Variants in ITGBL1 observed in about 807,000 individuals in gnomAD.
ITGBL1 encodes integrin subunit beta like 1, also known as integrin beta-like protein 1.
Under a neutral mutation model 68.5 loss-of-function variants are expected in ITGBL1, and 51 were observed. The ratio of observed to expected loss-of-function variants is 0.74; its 90% CI spans 0.59 to 0.94. The LOEUF is 0.94. Among genes scored for constraint, ITGBL1 ranks in the 40% least tolerant of loss-of-function variants. The pLI, the probability that ITGBL1 is intolerant of heterozygous loss-of-function variation, is 0.00. For missense variants in ITGBL1, 649 were observed against 647.4 expected (o/e 1.00, Z -0.03); for synonymous variants, 209 against 227.3 (o/e 0.92, Z 0.72).
At chr13:101,704,920 GTTTA>G (rs1209488723) in intron 8 of ITGBL1, among the ~76,000 whole-genome samples, 2 of 152,030 alleles carry the variant, frequency 1.3e-5, no homozygotes, top group Admixed American at 6.6e-5. Flanking sequence ...TCATTTATTT[GTTTA>G]TTTATTTACT....
intron 2 of ITGBL1, among the ~76,000 whole-genome samples, chr13:101,470,068 T>C (rs2048436483): frequency 6.6e-6 from 1 of 152,182 alleles, no homozygotes. Context: ...AGACCTAGCC[T>C]CATTAGCTGT....
intron 7 of ITGBL1, among the ~76,000 whole-genome samples, chr13:101,642,333 A>T: frequency 6.6e-6 from 1 of 152,106 alleles, no homozygotes; most frequent in Non-Finnish European, 1.5e-5. Context: ...GCATTTTTTC[A>T]TGTGCTTTTT....
chr13:101,618,969 T>C (rs1019561002), intron 7 of ITGBL1, among the ~76,000 whole-genome samples: 1 of 152,016 alleles, frequency 6.6e-6, no homozygotes, highest in Admixed American at 6.6e-5. Context: ...GGGTCACCAC[T>C]GGGGGCAGGT....
In ITGBL1 at chr13:101,631,379, AT is replaced by A. The variant is rs113975835; in HGVS notation, c.1015+33091del. On this transcript the variant is annotated intron_variant, in intron 7 of 10. Transcript: ENST00000376180. Reference sequence around the variant, plus strand: ...GAAATTGTGATGCAGTTTCCCAGTGATTTTTTTTTTTGCAATGTAAAAATGA... The same window carrying A: ...GAAATTGTGATGCAGTTTCCCAGTGATTTTTTTTTTGCAATGTAAAAATGA... 7.7e-3 allele frequency among the ~76,000 whole-genome samples: 1,137 copies of A among 148,078 alleles called. 10 individuals are homozygous for A. The highest frequency in any genetic ancestry group is 0.025 in the African/African-American group (1,011 of 40,716).
chr13:101,529,343 A>G (rs2049433839), intron 2 of ITGBL1, among the ~76,000 whole-genome samples: 1 of 152,176 alleles, frequency 6.6e-6, no homozygotes, highest in African/African-American at 2.4e-5. Context: ...AAAAAGATGA[A>G]AAAGATTTCA....
At chr13:101,580,944 G>A (rs1021789985) in intron 5 of ITGBL1, among the ~76,000 whole-genome samples, 1 of 152,168 alleles carries the variant, frequency 6.6e-6, no homozygotes, top group Non-Finnish European at 1.5e-5. Context: ...TTGCCTGAGC[G>A]AGGCTCACAG....
intron 2 of ITGBL1, among the ~76,000 whole-genome samples, chr13:101,488,324 T>G (rs1451950077): frequency 6.6e-6 from 1 of 152,234 alleles, no homozygotes; most frequent in Non-Finnish European, 1.5e-5. Context: ...GATGTATACA[T>G]TTAACTGACT....
At chr13:101,711,983 C>T (rs1198185752) in intron 9 of ITGBL1, 1 of 152,194 alleles carries the variant, frequency 6.6e-6, no homozygotes, top group Non-Finnish European at 1.5e-5. Flanking sequence ...TCTTGATAGT[C>T]ATGCAGCCTA....
chr13:101,500,230 G>C (rs913543340), intron 2 of ITGBL1, among the ~76,000 whole-genome samples: 1 of 152,142 alleles, frequency 6.6e-6, no homozygotes, highest in African/African-American at 2.4e-5. Flanking sequence ...ATATTATGCA[G>C]TATCTCTTTA....
chr13:101,720,542 GTGTGTGTGTGTGTGTGTGTGTGTA>G (rs1321871049), downstream of ITGBL1: 4 of 148,852 alleles, frequency 2.7e-5, no homozygotes, highest in Admixed American at 2.0e-4. Flanking sequence ...GTGTGTGTGT[GTGTGTGTGTGTGTGTGTGTGTGTA>G]TATGTGTGTG....
At chr13:101,707,104 T>A (rs1189782608) in intron 9 of ITGBL1, among the ~76,000 whole-genome samples, 4 of 152,212 alleles carry the variant, frequency 2.6e-5, no homozygotes, top group African/African-American at 9.7e-5. Flanking sequence ...AGAGGATTCA[T>A]GCAAAAATAT....
At chr13:101,490,470 C>T (rs1049119770) in intron 2 of ITGBL1, among the ~76,000 whole-genome samples, 1 of 152,112 alleles carries the variant, frequency 6.6e-6, no homozygotes, top group African/African-American at 2.4e-5. Flanking sequence ...ACAGTCTAAC[C>T]CTGAAGCCAG....
At chr13:101,661,876 A>G (rs34676107) in intron 7 of ITGBL1, among the ~76,000 whole-genome samples, 8,927 of 152,292 alleles carry the variant, frequency 0.059, 361 homozygotes, top group East Asian at 0.16. Context: ...CTGCAAATTA[A>G]AATTCCCAGT....
At chr13:101,513,334 T>A (rs1157326528) in intron 2 of ITGBL1, among the ~76,000 whole-genome samples, 1 of 152,096 alleles carries the variant, frequency 6.6e-6, no homozygotes, top group Non-Finnish European at 1.5e-5. Context: ...TCTGGGTAGG[T>A]GTGCAACTGC....
intron 7 of ITGBL1, among the ~76,000 whole-genome samples, chr13:101,614,857 CT>C (rs375926805): frequency 1.1e-4 from 17 of 152,142 alleles, no homozygotes; most frequent in African/African-American, 4.1e-4. Context: ...CATAGTGCTT[CT>C]TTTGAAGAGC....
intron 7 of ITGBL1, among the ~76,000 whole-genome samples, chr13:101,648,837 A>G (rs1253108554): frequency 6.6e-6 from 1 of 152,120 alleles, no homozygotes; most frequent in African/African-American, 2.4e-5. Flanking sequence ...GGTGGGGGAC[A>G]GAAGAGGAAA....
At chr13:101,619,109 C>A (rs1292486204) in intron 7 of ITGBL1, among the ~76,000 whole-genome samples, 4 of 151,924 alleles carry the variant, frequency 2.6e-5, no homozygotes, top group African/African-American at 9.7e-5. Flanking sequence ...ACGTGTACAG[C>A]CTTCTTAATG....
chr13:101,663,213 A>G (rs2033131785), intron 7 of ITGBL1, among the ~76,000 whole-genome samples: 1 of 152,200 alleles, frequency 6.6e-6, no homozygotes, highest in South Asian at 2.1e-4. Flanking sequence ...AAAAAATGCA[A>G]ATAATACCAT....
intron 2 of ITGBL1, among the ~76,000 whole-genome samples, chr13:101,521,019 T>C (rs185184309): frequency 2.6e-5 from 4 of 152,288 alleles, no homozygotes; most frequent in Admixed American, 2.0e-4. Context: ...AGACAGGATT[T>C]TGACAGAAAT....
Sources: gnomAD v4.1 joint callset for allele counts (sites outside exome capture counted in the v4.1 genomes callset) on GRCh38, gnomAD v4.1.1 for gene constraint, MANE v1.5 for transcripts, NCBI Gene and HGNC (gene_info 2026-07-23, HGNC 2026-07-21) for gene names.